The following DPF3 variants were observed in gnomAD, a reference collection of about 807,000 sequenced individuals.
DPF3 encodes double PHD fingers 3.
DPF3 carries 18 observed loss-of-function variants against 56.8 expected under a neutral mutation model. That is an observed-to-expected ratio of 0.32 (90% CI 0.22 to 0.47). DPF3 has a LOEUF of 0.47. Ranked by LOEUF, DPF3 falls within the 20% of genes least tolerant of loss-of-function variation. The probability of loss-of-function intolerance (pLI) is 1.00; values close to 1 mark genes in which losing one functional copy is unlikely to be tolerated. For missense variants in DPF3, 403 were observed against 488.8 expected, an observed-to-expected ratio of 0.82 and a Z score of 1.65; for synonymous variants, 188 against 180.2, an observed-to-expected ratio of 1.04 and a Z score of -0.35.
At chr14:72,770,276 C>T (rs535545455) in intron 2 of DPF3, among the ~76,000 whole-genome samples, 2 of 152,324 alleles carry the variant, frequency 1.3e-5, no homozygotes, top group South Asian at 4.1e-4. Context: ...TTCTGGGAAA[C>T]CCTACAGCGT....
chr14:72,684,248 T>G (rs1282973458), intron 7 of DPF3, among the ~76,000 whole-genome samples: 1 of 152,030 alleles, frequency 6.6e-6, no homozygotes, highest in Non-Finnish European at 1.5e-5. Flanking sequence ...GGCTTCACCA[T>G]GTTGACCAGG....
intron 1 of DPF3, among the ~76,000 whole-genome samples, chr14:72,813,095 C>T (rs1231502298): frequency 2.4e-4 from 36 of 152,178 alleles, no homozygotes; most frequent in Admixed American, 2.4e-3. Context: ...GGGGAGCAAA[C>T]CACCAAATCT....
rs74815107 is a variant in DPF3 at position 72,761,246 on chromosome 14, T to C, written c.194-7875A>G. Among the ~76,000 whole-genome samples the C allele has an allele frequency of 3.9e-4, 60 of 152,206 alleles. No homozygotes were observed. In the East Asian group the frequency reaches 9.8e-3, roughly 25 times the overall value. ...TGACCTAATTGATATTTATAGAACATTCCAAACAACAACAGCAAAACACAA... is the reference window on the plus strand; with the variant it reads ...TGACCTAATTGATATTTATAGAACACTCCAAACAACAACAGCAAAACACAA... On this transcript the variant is annotated intron_variant, in intron 2 of 10. Coordinates refer to ENST00000556509, the MANE Select transcript of DPF3 (RefSeq NM_001280542.3).
chr14:72,890,300 G>T (rs1243448558), intron 1 of DPF3, among the ~76,000 whole-genome samples: 1 of 152,010 alleles, frequency 6.6e-6, no homozygotes, highest in Non-Finnish European at 1.5e-5. Flanking sequence ...AGACCAGCTG[G>T]CCAAGATGGA....
chr14:72,712,595 G>T (rs117929234), intron 6 of DPF3, among the ~76,000 whole-genome samples: 1 of 152,208 alleles, frequency 6.6e-6, no homozygotes, highest in Admixed American at 6.5e-5. Flanking sequence ...ACAAATGGCT[G>T]GGTGCAGTGG....
intron 8 of DPF3, chr14:72,670,208 T>A (rs1044683996): frequency 2.0e-6 from 2 of 985,912 alleles, no homozygotes; most frequent in African/African-American, 3.5e-5. Context: ...TGTCTCCTTC[T>A]ATCTTCCAGA....
At chr14:72,650,066 T>A (rs1317837244) in intron 8 of DPF3, among the ~76,000 whole-genome samples, 1 of 152,050 alleles carries the variant, frequency 6.6e-6, no homozygotes, top group African/African-American at 2.4e-5. Context: ...AATAGACACA[T>A]CCCCACCTGT....
Position 72,671,539 on chromosome 14 carries a change from C to T in DPF3, c.871+2701G>A, listed in dbSNP as rs74062337. On this transcript the variant is annotated intron_variant, in intron 8 of 10. Coordinates refer to ENST00000556509, the MANE Select transcript of DPF3 (RefSeq NM_001280542.3). ...TTCCAGGGAAGAGGCTTCCCCCACT[C>T]CCCGAAAAGGCATCATCTCTACCAT... is the stretch of plus-strand genomic sequence containing the variant. 2.4e-3 allele frequency: 1,855 copies of T among 785,182 alleles called. 27 individuals carry two copies. In the African/African-American group the frequency reaches 0.027, roughly 12 times the overall value. 48.6% of individuals were successfully genotyped at this position (785,182 alleles called of 1,614,324 possible).
intron 5 of DPF3, among the ~76,000 whole-genome samples, chr14:72,715,333 G>A (rs1358522335): frequency 2.0e-5 from 3 of 152,188 alleles, no homozygotes; most frequent in Non-Finnish European, 4.4e-5. Flanking sequence ...CAGGGCGGTG[G>A]TGACAAGAAC....
At chr14:72,805,741 G>C (rs1882748337) in intron 1 of DPF3, among the ~76,000 whole-genome samples, 1 of 152,148 alleles carries the variant, frequency 6.6e-6, no homozygotes, top group Non-Finnish European at 1.5e-5. Flanking sequence ...AGCTACTTGG[G>C]AGGCCTGGGT....
intron 8 of DPF3, chr14:72,671,448 T>A (rs2286067): frequency 7.1e-7 from 1 of 1,418,024 alleles, no homozygotes; most frequent in Non-Finnish European, 9.9e-7. Flanking sequence ...TATAAAACCA[T>A]TTGCACACCA....
chr14:72,772,522 A>G (rs1429038214), intron 1 of DPF3, among the ~76,000 whole-genome samples: 3 of 152,262 alleles, frequency 2.0e-5, no homozygotes, highest in Non-Finnish European at 2.9e-5. Context: ...TTTCCGATAG[A>G]AAACAAACAG....
intron 1 of DPF3, among the ~76,000 whole-genome samples, chr14:72,811,853 T>C (rs1353289127): frequency 6.6e-6 from 1 of 152,010 alleles, no homozygotes; most frequent in Non-Finnish European, 1.5e-5. Flanking sequence ...ATTCTGCAGA[T>C]GAGAACACTG....
In DPF3 at chr14:72,863,115, T is replaced by C. The variant is rs1227234290; in HGVS notation, c.32+30942A>G. ...ATATATATATATGTGTGTGTATACA[T>C]ATATGTGTGTGTGTGTGTGTGTATA... On this transcript the variant is annotated intron_variant, in intron 1 of 10. Transcript: ENST00000556509. 5.1e-5 allele frequency among the ~76,000 whole-genome samples: 6 copies of C among 118,040 alleles called. No homozygotes were observed. In the Admixed American group the frequency reaches 5.8e-4, roughly 11 times the overall value. 77.4% of individuals were successfully genotyped at this position (118,040 alleles called of 152,430 possible).
intron 8 of DPF3, among the ~76,000 whole-genome samples, chr14:72,663,166 C>CAAAAAAAAAAAAAAAAAAAAAAAAAAAAA (rs56335418): frequency 1.1e-5 from 1 of 88,524 alleles, no homozygotes; most frequent in African/African-American, 4.5e-5. Flanking sequence ...TGGGTGTTAG[C>CAAAAAAAAAAAAAAAAAAAAAAAAAAAAA]AAAAAAAAAA....
chr14:72,669,411 G>A (rs1328781532), intron 8 of DPF3, among the ~76,000 whole-genome samples: 2 of 152,212 alleles, frequency 1.3e-5, no homozygotes, highest in Non-Finnish European at 2.9e-5. Flanking sequence ...TAAAGGGAGT[G>A]CAGAATCTTC....
chr14:72,715,604 G>T (rs71427167), intron 5 of DPF3, among the ~76,000 whole-genome samples: 26,595 of 151,702 alleles, frequency 0.18, 2,814 homozygotes, highest in Non-Finnish European at 0.25. Flanking sequence ...TGGTGGAAAG[G>T]CCTTGGATAC....
At chr14:72,757,698 A>C (rs972361159) in intron 2 of DPF3, among the ~76,000 whole-genome samples, 2 of 152,172 alleles carry the variant, frequency 1.3e-5, no homozygotes, top group Non-Finnish European at 2.9e-5. Context: ...TATTATAAGC[A>C]ATCTAGAAAT....
intron 8 of DPF3, chr14:72,670,679 A>G (rs1886633269): frequency 1.0e-6 from 1 of 986,238 alleles, no homozygotes; most frequent in Non-Finnish European, 1.2e-6. Flanking sequence ...GTCTGATTCT[A>G]ATAACAGCTA....
Sources: allele counts gnomAD v4.1 joint callset (sites outside exome capture counted in the v4.1 genomes callset), GRCh38; gene constraint gnomAD v4.1.1; transcripts MANE v1.5; gene names NCBI Gene and HGNC (gene_info 2026-07-23, HGNC 2026-07-21).